UPRT: variants seen among roughly 807,000 people sequenced by gnomAD.
UPRT encodes the protein RP11-311P8.3.
UPRT carries 5 observed loss-of-function variants against 22.6 expected under a neutral mutation model. The observed-to-expected ratio is 0.22, with a 90% confidence interval of 0.12 to 0.47. The LOEUF is 0.47. Ranked by LOEUF, UPRT falls within the 20% of genes least tolerant of loss-of-function variation. The probability of loss-of-function intolerance (pLI) is 0.99; values close to 1 mark genes in which losing one functional copy is unlikely to be tolerated. For missense variants in UPRT, 181 were observed against 239.9 expected, an observed-to-expected ratio of 0.75 and a Z score of 1.62; for synonymous variants, 77 against 87.7, an observed-to-expected ratio of 0.88 and a Z score of 0.68.
At chrX:75,182,409 T>C (rs1226224139) in intron 4 of UPRT, among the ~76,000 whole-genome samples, 1 of 111,899 alleles carries the variant, frequency 8.9e-6, no homozygotes, top group Non-Finnish European at 1.9e-5. Context: ...CTCAATTCTT[T>C]GGAATAGTTT....
chrX:75,176,624 G>T (rs2082247600), intron 4 of UPRT, among the ~76,000 whole-genome samples: 1 of 111,023 alleles, frequency 9.0e-6, no homozygotes, highest in Non-Finnish European at 1.9e-5. Flanking sequence ...TGGACCTTTG[G>T]AGATTTCTTT....
rs966743141 is a variant in UPRT at position 75,186,562 on chromosome X, A to G, written c.-447+18683A>G. 6.3e-5 allele frequency among the ~76,000 whole-genome samples: 7 copies of G among 111,219 alleles called. 1 individual carries two copies. The East Asian group carries it at 1.7e-3, about 27-fold the overall frequency. On this transcript the variant is annotated intron_variant, in intron 4 of 13. Transcript: ENST00000652605. ...TCTGCTTGGTGCAGAGCTTAGTTCA[A>G]TTCCTGGGTATCCTTGTTGACTTTC...
chrX:75,247,449 A>C (rs1302754707), intron 4 of UPRT, among the ~76,000 whole-genome samples: 1 of 111,876 alleles, frequency 8.9e-6, no homozygotes, highest in Non-Finnish European at 1.9e-5. Flanking sequence ...CACCTGGTTC[A>C]GAGGGTCCTA....
At chrX:75,293,375 A>G in intron 1 of UPRT, 97 bp from the exon 2 acceptor site, 1 of 797,799 alleles carries the variant, frequency 1.3e-6, no homozygotes, top group East Asian at 3.3e-5. Flanking sequence ...AGCTTTTAGT[A>G]TGTTATAGGT....
intron 3 of UPRT, 150 bp downstream of exon 3, chrX:75,296,561 G>A (rs1413503659): frequency 2.1e-6 from 1 of 480,994 alleles, no homozygotes; most frequent in Non-Finnish European, 3.3e-6. Context: ...ATAAAACTCA[G>A]GCATTTAGGA....
chrX:75,159,907 G>A (rs1207367431), intron 1 of UPRT, among the ~76,000 whole-genome samples: 1 of 107,847 alleles, frequency 9.3e-6, no homozygotes, highest in African/African-American at 3.4e-5. Flanking sequence ...CTCCTGAGTA[G>A]CTGGGACTAC....
rs1335472164 is a variant in UPRT, at chrX:75,188,599, A to G, written c.-447+20720A>G. Reference sequence around the variant, plus strand: ...TTGTTTACCTAAGCAAGCCTGGGCAATGGCGGGCGCCCCTCCCCGAGCCTC... The same window carrying G: ...TTGTTTACCTAAGCAAGCCTGGGCAGTGGCGGGCGCCCCTCCCCGAGCCTC... On this transcript the variant is annotated intron_variant, in intron 4 of 13. Coordinates refer to the UPRT transcript ENST00000652605. Among the ~76,000 whole-genome samples, 4 of 112,655 alleles carry G rather than the reference A, an allele frequency of 3.6e-5. No individual in the cohort carries two copies. The Admixed American group carries it at 3.7e-4, about 10-fold the overall frequency.
At chrX:75,277,454 A>T (rs1330100882) in intron 1 of UPRT, among the ~76,000 whole-genome samples, 1 of 110,346 alleles carries the variant, frequency 9.1e-6, no homozygotes, top group East Asian at 2.8e-4. Context: ...CAGGATCCAG[A>T]GAAGTGATTT....
At chrX:75,179,294 T>C (rs953742790) in intron 4 of UPRT, among the ~76,000 whole-genome samples, 1 of 111,700 alleles carries the variant, frequency 9.0e-6, no homozygotes, top group Non-Finnish European at 1.9e-5. Flanking sequence ...ACATAAAGAC[T>C]CTCCACATCC....
At chrX:75,281,244 G>A (rs2082655406) in intron 1 of UPRT, among the ~76,000 whole-genome samples, 1 of 111,285 alleles carries the variant, frequency 9.0e-6, no homozygotes, top group East Asian at 2.8e-4. Context: ...TATCAATTTG[G>A]ATGCCCCTTA....
chrX:75,179,021 A>C (rs2082259992), intron 4 of UPRT, among the ~76,000 whole-genome samples: 1 of 111,720 alleles, frequency 9.0e-6, no homozygotes, highest in Non-Finnish European at 1.9e-5. Flanking sequence ...CATCCTTTTC[A>C]GATTAGTTAG....
chrX:75,193,613 C>T (rs1220998531), intron 4 of UPRT, among the ~76,000 whole-genome samples: 2 of 111,473 alleles, frequency 1.8e-5, no homozygotes, highest in African/African-American at 6.5e-5. Context: ...GGTCTCTTTA[C>T]ATTATTTTAT....
intron 4 of UPRT, among the ~76,000 whole-genome samples, chrX:75,204,013 C>T (rs757851583): frequency 3.7e-5 from 4 of 108,644 alleles, no homozygotes; most frequent in Non-Finnish European, 7.6e-5. Context: ...AGTGGGTGTC[C>T]GACTTCAGAG....
intron 4 of UPRT, among the ~76,000 whole-genome samples, chrX:75,240,571 A>G (rs1427177333): frequency 8.9e-6 from 1 of 111,768 alleles, no homozygotes; most frequent in Non-Finnish European, 1.9e-5. Context: ...CAGAGCTAGC[A>G]ACAACAATTC....
At chrX:75,222,617 C>A (rs982255416) in intron 4 of UPRT, among the ~76,000 whole-genome samples, 1 of 111,385 alleles carries the variant, frequency 9.0e-6, no homozygotes, top group African/African-American at 3.3e-5. Flanking sequence ...ATGGCCACCA[C>A]CCCACAGGCC....
chrX:75,246,939 A>G (rs935706921), intron 4 of UPRT, among the ~76,000 whole-genome samples: 2 of 112,142 alleles, frequency 1.8e-5, no homozygotes, highest in Admixed American at 9.5e-5. Context: ...GAGAATAAGC[A>G]TGTCACTTTA....
intron 4 of UPRT, among the ~76,000 whole-genome samples, chrX:75,255,520 C>T (rs1199408345): frequency 8.9e-6 from 1 of 111,753 alleles, no homozygotes; most frequent in African/African-American, 3.3e-5. Context: ...TCAATACTAA[C>T]ATTGAATTGG....
At chrX:75,280,007 CAT>C (rs1419252390) in intron 1 of UPRT, among the ~76,000 whole-genome samples, 1 of 109,681 alleles carries the variant, frequency 9.1e-6, no homozygotes. Context: ...AGTATTCCAT[CAT>C]ATATATATAT....
At chrX:75,282,455 T>C (rs1027005100) in intron 1 of UPRT, among the ~76,000 whole-genome samples, 2 of 110,731 alleles carry the variant, frequency 1.8e-5, no homozygotes, top group Non-Finnish European at 3.8e-5. Context: ...TTTTGGGAGG[T>C]TGTGTCATTA....
Sources: gnomAD v4.1 joint callset for allele counts (sites outside exome capture counted in the v4.1 genomes callset) on GRCh38, gnomAD v4.1.1 for gene constraint, MANE v1.5 for transcripts, NCBI Gene and HGNC (gene_info 2026-07-23, HGNC 2026-07-21) for gene names.